Variants in RBFOX1 observed in about 807,000 individuals in gnomAD.
RBFOX1 encodes the protein RNA binding protein fox-1 homolog 1.
In RBFOX1, 8 loss-of-function variants were observed where a neutral mutation model predicts 57.7. That is an observed-to-expected ratio of 0.14 (90% CI 0.08 to 0.25). The LOEUF (loss-of-function observed/expected upper bound fraction) is 0.25. RBFOX1 is among the 10% of genes least tolerant of loss of function. The pLI is 1.00. For missense variants in RBFOX1, 611 were observed against 548.5 expected (o/e 1.11, Z -1.14); for synonymous variants, 326 against 222.4 (o/e 1.47, Z -4.15).
At chr16:5,726,716 A>G (rs1011897369) in intron 3 of RBFOX1, among the ~76,000 whole-genome samples, 2 of 152,242 alleles carry the variant, frequency 1.3e-5, no homozygotes, top group African/African-American at 2.4e-5. Flanking sequence ...GGTATTATGA[A>G]CAATAATGTA....
intron 1 of RBFOX1, among the ~76,000 whole-genome samples, chr16:5,269,015 A>G (rs1018144263): frequency 2.0e-5 from 3 of 152,046 alleles, no homozygotes; most frequent in African/African-American, 7.2e-5. Context: ...TCCAGATTCA[A>G]GTTACTCTCC....
chr16:6,807,566 C>G (rs1567334609), intron 3 of RBFOX1, among the ~76,000 whole-genome samples: 1 of 152,008 alleles, frequency 6.6e-6, no homozygotes, highest in Non-Finnish European at 1.5e-5. Context: ...ACCTGTAATC[C>G]CAGCACTTTG....
intron 3 of RBFOX1, among the ~76,000 whole-genome samples, chr16:6,824,991 T>G (rs1214806677): frequency 2.0e-5 from 2 of 102,084 alleles, no homozygotes; most frequent in Non-Finnish European, 4.0e-5. Flanking sequence ...TGGTTTTTTT[T>G]TTTTTTTTTT....
chr16:6,225,888 C>G (rs74006960), intron 1 of RBFOX1, among the ~76,000 whole-genome samples: 2 of 152,154 alleles, frequency 1.3e-5, no homozygotes, highest in African/African-American at 4.8e-5. Context: ...GTAGACTTTA[C>G]AGAAACACTG....
chr16:5,860,451 G>C (rs1308474191), intron 3 of RBFOX1, among the ~76,000 whole-genome samples: 6 of 152,106 alleles, frequency 3.9e-5, no homozygotes, highest in African/African-American at 1.4e-4. Flanking sequence ...GATTCAAATT[G>C]GTTCAAGAAA....
chr16:5,764,160 G>T (rs945835340), intron 3 of RBFOX1, among the ~76,000 whole-genome samples: 1 of 152,132 alleles, frequency 6.6e-6, no homozygotes, highest in Non-Finnish European at 1.5e-5. Context: ...GTGTGGGTAG[G>T]ATGATTGCAT....
intron 3 of RBFOX1, among the ~76,000 whole-genome samples, chr16:6,826,138 C>A (rs2092104669): frequency 6.6e-6 from 1 of 152,112 alleles, no homozygotes; most frequent in Non-Finnish European, 1.5e-5. Context: ...CTTCTCCCTA[C>A]CCCAGTTTTC....
intron 4 of RBFOX1, among the ~76,000 whole-genome samples, chr16:7,236,935 G>T (rs2093797363): frequency 6.6e-6 from 1 of 152,160 alleles, no homozygotes; most frequent in African/African-American, 2.4e-5. Context: ...TGATCTGCCT[G>T]CCTCTGTGTT....
chr16:7,067,950 CA>C (rs954976780), intron 4 of RBFOX1, among the ~76,000 whole-genome samples: 2 of 130,986 alleles, frequency 1.5e-5, no homozygotes, highest in African/African-American at 7.3e-5. Flanking sequence ...TAGAGGGCGC[CA>C]TTTTTTTTTT....
chr16:6,134,891 A>C (rs1567534360), intron 1 of RBFOX1, among the ~76,000 whole-genome samples: 2 of 151,996 alleles, frequency 1.3e-5, no homozygotes, highest in Admixed American at 6.6e-5. Context: ...CATATGCACA[A>C]CGTGCAGGGT....
At chr16:6,152,457 A>G (rs977767812) in intron 1 of RBFOX1, among the ~76,000 whole-genome samples, 2 of 152,202 alleles carry the variant, frequency 1.3e-5, no homozygotes, top group Admixed American at 6.5e-5. Context: ...AAGCTGCCAT[A>G]ATTCAGAAAG....
At chr16:5,915,943 G>A (rs1424933979) in intron 4 of RBFOX1, among the ~76,000 whole-genome samples, 2 of 152,210 alleles carry the variant, frequency 1.3e-5, no homozygotes, top group Non-Finnish European at 2.9e-5. Flanking sequence ...GGGGCTTAGA[G>A]TTATTCAGTG....
intron 3 of RBFOX1, among the ~76,000 whole-genome samples, chr16:5,638,457 G>A (rs1292182478): frequency 1.3e-5 from 2 of 152,078 alleles, no homozygotes; most frequent in African/African-American, 2.4e-5. Context: ...GTTTCTAGGG[G>A]CCTCCATTGC....
intron 4 of RBFOX1, among the ~76,000 whole-genome samples, chr16:7,486,552 C>G (rs1047419588): frequency 6.6e-6 from 1 of 152,168 alleles, no homozygotes; most frequent in African/African-American, 2.4e-5. Context: ...ATAACAGCAT[C>G]TCCCCTGTAG....
At chr16:6,484,454 A>G (rs1053707943) in intron 2 of RBFOX1, among the ~76,000 whole-genome samples, 4 of 152,270 alleles carry the variant, frequency 2.6e-5, no homozygotes, top group South Asian at 2.1e-4. Flanking sequence ...GCTCTGTACC[A>G]TTTTATGACA....
intron 14 of RBFOX1, among the ~76,000 whole-genome samples, chr16:7,677,126 T>TACACACACACACAC (rs1314598196): frequency 0.014 from 739 of 51,204 alleles, 3 homozygotes; most frequent in African/African-American, 0.019. Flanking sequence ...CTTGCTCACA[T>TACACACACACACAC]ACACATACAC....
chr16:5,402,155 A>G (rs1596871919), intron 1 of RBFOX1, among the ~76,000 whole-genome samples: 1 of 152,082 alleles, frequency 6.6e-6, no homozygotes, highest in African/African-American at 2.4e-5. Flanking sequence ...CAGGAGCGGG[A>G]AGAGGAGGGT....
chr16:6,609,052 C>A (rs905798724), intron 2 of RBFOX1, among the ~76,000 whole-genome samples: 1 of 152,126 alleles, frequency 6.6e-6, no homozygotes, highest in Non-Finnish European at 1.5e-5. Flanking sequence ...ATTTGAAGAC[C>A]CTTGTGATTA....
chr16:6,317,479 A>G (rs1028747803), intron 2 of RBFOX1, among the ~76,000 whole-genome samples: 1 of 152,084 alleles, frequency 6.6e-6, no homozygotes, highest in Non-Finnish European at 1.5e-5. Context: ...TTCTTGAGGC[A>G]TTTAAGAACA....
Sources: gnomAD v4.1 joint callset for allele counts (sites outside exome capture counted in the v4.1 genomes callset) on GRCh38, gnomAD v4.1.1 for gene constraint, MANE v1.5 for transcripts, NCBI Gene and HGNC (gene_info 2026-07-23, HGNC 2026-07-21) for gene names.